HABP2: variants seen among roughly 807,000 people sequenced by gnomAD.
HABP2 encodes hyaluronan binding protein 2, also known as factor VII-activating protease.
Under a neutral mutation model 66.5 loss-of-function variants are expected in HABP2, and 65 were observed. The observed-to-expected ratio is 0.98, with a 90% confidence interval of 0.80 to 1.20. HABP2 has a LOEUF of 1.20. Among genes scored for constraint, HABP2 ranks in the 50% most tolerant of loss-of-function variants. HABP2 has a pLI of 0.00. For synonymous variants in HABP2, 263 were observed against 253.9 expected (o/e 1.04, Z -0.34); for missense variants, 786 against 691.0 (o/e 1.14, Z -1.54).
chr10:113,586,514 A>G (rs1303926675), intron 12 of HABP2, among the ~76,000 whole-genome samples: 2 of 148,112 alleles, frequency 1.4e-5, no homozygotes, highest in East Asian at 2.0e-4. Flanking sequence ...AAAACTAAGT[A>G]TATCTGTAGC....
At chr10:113,554,197 T>C (rs1317917629) in intron 1 of HABP2, among the ~76,000 whole-genome samples, 1 of 152,190 alleles carries the variant, frequency 6.6e-6, no homozygotes, top group Non-Finnish European at 1.5e-5. Context: ...CCTTAAAATG[T>C]CAAGAATGAA....
chr10:113,588,909 ATCTGAAGCCTG>A lies in HABP2; in HGVS notation c.*544_*554del, dbSNP rs1845745473. 3.8e-6 allele frequency: 5 copies of A among 1,304,050 alleles called. No individual in the cohort carries two copies. The highest frequency in any genetic ancestry group is 5.5e-6 in the Non-Finnish European group (5 of 903,278). 80.8% of individuals were successfully genotyped at this position (1,304,050 alleles called of 1,614,324 possible). A position where few individuals can be genotyped will look rare whatever the true frequency, so the allele number is the denominator to read the frequency against. ...ATTCCAGCTTGCCGAAATCAAAGCCATCTGAAGCCTGTCTCTGGTGAACAAACTTCCTCTCT... is the reference window on the plus strand; with the variant it reads ...ATTCCAGCTTGCCGAAATCAAAGCCATCTCTGGTGAACAAACTTCCTCTCT... On this transcript the variant is annotated 3_prime_UTR_variant, in exon 13 of 13. Transcript: ENST00000351270.
chr10:113,579,171 A>G (rs901522568), intron 7 of HABP2, among the ~76,000 whole-genome samples: 2 of 151,450 alleles, frequency 1.3e-5, no homozygotes, highest in Non-Finnish European at 1.5e-5. Flanking sequence ...AGATGGGAGG[A>G]TCATCTGAAC....
At position 113,584,336 on chromosome 10, in the gene HABP2, A is replaced by G. The variant is rs1845596169; in HGVS notation, c.1372+54A>G. 3.3e-6 allele frequency: 5 copies of G among 1,525,194 alleles called. No individual in the cohort carries two copies. In the South Asian group the frequency reaches 4.5e-5, roughly 14 times the overall value. 94.5% of individuals were successfully genotyped at this position (1,525,194 alleles called of 1,614,324 possible). A position where few individuals can be genotyped will look rare whatever the true frequency, so the allele number is the denominator to read the frequency against. On this transcript the variant is annotated intron_variant, in intron 11 of 12. Transcript: ENST00000351270. ...TTAGGTGAACTACATCAACCAGAGA[A>G]GAAAGGCCAAACTCAACTGCCCTTT... is the stretch of plus-strand genomic sequence containing the variant.
intron 11 of HABP2, 50 bp from the exon 12 acceptor site, chr10:113,585,743 C>T (rs2133786438): frequency 6.7e-7 from 1 of 1,496,650 alleles, no homozygotes; most frequent in Non-Finnish European, 9.3e-7. Flanking sequence ...GGGGTTGGTG[C>T]CACCCTGGTC....
At chr10:113,586,059 G>GCTTT in intron 12 of HABP2, 121 bp downstream of exon 12, 2 of 845,004 alleles carry the variant, frequency 2.4e-6, no homozygotes, top group Non-Finnish European at 3.8e-6. Context: ...GTAAAGCTAA[G>GCTTT]ACACAGGTGA....
intron 4 of HABP2, 71 bp from the exon 5 acceptor site, chr10:113,577,079 T>C (rs1205298398): frequency 4.7e-6 from 4 of 854,424 alleles, no homozygotes; most frequent in Non-Finnish European, 6.1e-6. Context: ...CCCTCAAACA[T>C]TGTTTTATAC....
Position 113,578,642 on chromosome 10 carries a change from A to C in HABP2, c.584A>C (p.Tyr195Ser). The change falls in exon 7 of 13, where the codon TAT (tyrosine) becomes TCT (serine). Residue 195 changes from tyrosine (Y) to serine (S), a missense_variant. Coordinates refer to ENST00000351270, the MANE Select transcript of HABP2 (RefSeq NM_004132.5). The part of the protein sequence containing the change: ...KFCEIGSDDC[Y>S]VGDGYSYRGK... ...TCTCTCGGAGGTTCTGATGACTGCT[A>C]TGTTGGCGATGGCTACTCTTACCGA... 1.2e-6 allele frequency: 2 copies of C among 1,612,800 alleles called. No individual in the cohort carries two copies. Among genetic ancestry groups the C allele is most frequent in the Non-Finnish European group, 1.7e-6 (2 of 1,179,080 alleles).
chr10:113,557,382 G>A (rs777560279), intron 1 of HABP2, among the ~76,000 whole-genome samples: 6 of 152,152 alleles, frequency 3.9e-5, no homozygotes, highest in South Asian at 2.1e-4. Context: ...AAATCAGGTC[G>A]CAGGAAATCA....
chr10:113,551,521 T>C (rs1392639400), upstream of HABP2, among the ~76,000 whole-genome samples: 2 of 152,282 alleles, frequency 1.3e-5, no homozygotes, highest in East Asian at 3.9e-4. Flanking sequence ...GAAAAGGGAC[T>C]ACAGCCAGGC....
intron 1 of HABP2, among the ~76,000 whole-genome samples, chr10:113,556,077 A>G (rs963224301): frequency 6.6e-6 from 1 of 152,216 alleles, no homozygotes; most frequent in African/African-American, 2.4e-5. Context: ...GGTGCTTTCA[A>G]TTAAAACAAT....
In HABP2 at chr10:113,581,939, G is replaced by C. The variant is rs1564679951; in HGVS notation, c.902G>C (p.Cys301Ser). 6.2e-7 allele frequency: 1 copy of C among 1,614,186 alleles called. No individual in the cohort carries two copies. Among genetic ancestry groups the C allele is most frequent in the Non-Finnish European group, 8.5e-7 (1 of 1,179,986 alleles). Residue 301 changes from cysteine to serine, a missense_variant, in exon 9 of 13, where the codon TGT (cysteine) becomes TCT (serine). Coordinates refer to ENST00000351270, the MANE Select transcript of HABP2 (RefSeq NM_004132.5). ...PSTKLPGFDS[C>S]GKTEIAERKI... ...ACCAAGCTTCCGGGGTTTGACTCCTGTGGAAAGACTGAGATAGCAGAGAGG... is the reference window on the plus strand; with the variant it reads ...ACCAAGCTTCCGGGGTTTGACTCCTCTGGAAAGACTGAGATAGCAGAGAGG...
At position 113,588,956 on chromosome 10, in the gene HABP2, G is replaced by GAATC. The variant is rs767569311; in HGVS notation, c.*589_*592dup. The GAATC allele has an allele frequency of 5.7e-6, 9 of 1,572,928 alleles. No homozygotes were observed. In the Admixed American group the frequency reaches 1.4e-4, roughly 25 times the overall value. On this transcript the variant is annotated 3_prime_UTR_variant, in exon 13 of 13. Transcript: ENST00000351270. ...ACAAACTTCCTCTCTGGCCTCTCAGGAATCAGGGTGGACATGGCTCACAAC... is the reference window on the plus strand; with the variant it reads ...ACAAACTTCCTCTCTGGCCTCTCAGGAATCAATCAGGGTGGACATGGCTCACAAC...
chr10:113,585,748 CTGG>C, intron 11 of HABP2, 42 bp from the exon 12 acceptor site: 2 of 1,544,104 alleles, frequency 1.3e-6, no homozygotes, highest in Non-Finnish European at 1.8e-6. Context: ...TGGTGCCACC[CTGG>C]TCCCCACAGT....
At chr10:113,566,146 G>C (rs1845193296) in intron 1 of HABP2, among the ~76,000 whole-genome samples, 1 of 152,198 alleles carries the variant, frequency 6.6e-6, no homozygotes, top group South Asian at 2.1e-4. Context: ...ATTGATCTCA[G>C]CTTTCTGGCG....
intron 1 of HABP2, among the ~76,000 whole-genome samples, chr10:113,557,789 T>C (rs1009417009): frequency 6.6e-6 from 1 of 152,274 alleles, no homozygotes; most frequent in Non-Finnish European, 1.5e-5. Context: ...CAACCACGTA[T>C]GAAGTCTTTA....
At position 113,565,146 on chromosome 10, in the gene HABP2, C is replaced by T. The variant is rs1017877318; in HGVS notation, c.70-2343C>T. ...GGCGTGAGCCACCACGCCCAGCCAG[C>T]GTCTCTTAAGAATAAGTACATTTTC... On this transcript the variant is annotated intron_variant, in intron 1 of 12. Coordinates refer to ENST00000351270, the MANE Select transcript of HABP2 (RefSeq NM_004132.5). 3.9e-5 allele frequency among the ~76,000 whole-genome samples: 6 copies of T among 152,196 alleles called. 1 individual carries two copies. Among genetic ancestry groups the T allele is most frequent in the Admixed American group, 2.0e-4 (3 of 15,288 alleles).
chr10:113,552,907 C>A (rs1214724387), upstream of HABP2: 2 of 484,934 alleles, frequency 4.1e-6, no homozygotes, highest in African/African-American at 3.9e-5. Flanking sequence ...GAAACCACTT[C>A]ATGACTCAGC....
intron 1 of HABP2, among the ~76,000 whole-genome samples, chr10:113,559,429 T>C (rs561995675): frequency 6.6e-6 from 1 of 152,312 alleles, no homozygotes; most frequent in South Asian, 2.1e-4. Flanking sequence ...ACTTTTATAA[T>C]TGGGGAAACT....
Sources: allele counts gnomAD v4.1 joint callset (sites outside exome capture counted in the v4.1 genomes callset), GRCh38; gene constraint gnomAD v4.1.1; transcripts MANE v1.5; gene names NCBI Gene and HGNC (gene_info 2026-07-23, HGNC 2026-07-21).